Variants in DCLRE1C observed in about 807,000 individuals in gnomAD.
DCLRE1C encodes protein artemis.
DCLRE1C carries 47 observed loss-of-function variants against 61.4 expected under a neutral mutation model. That is an observed-to-expected ratio of 0.77 (90% CI 0.61 to 0.98). The LOEUF (loss-of-function observed/expected upper bound fraction) is 0.98. Ranked by LOEUF, DCLRE1C falls within the 50% of genes least tolerant of loss-of-function variation. The pLI is 0.00. For synonymous variants in DCLRE1C, 337 were observed against 287.6 expected (o/e 1.17, Z -1.74); for missense variants, 858 against 816.0 (o/e 1.05, Z -0.63).
chr10:14,926,765 G>T, intron 11 of DCLRE1C, 78 bp downstream of exon 11: 1 of 1,144,760 alleles, frequency 8.7e-7, no homozygotes, highest in Non-Finnish European at 1.3e-6. Context: ...GCTTCTGAGA[G>T]TCAGGGGACT....
intron 12 of DCLRE1C, among the ~76,000 whole-genome samples, chr10:14,920,921 T>TGCAGTGA (rs1446158785): frequency 2.6e-5 from 4 of 151,850 alleles, no homozygotes; most frequent in African/African-American, 9.7e-5. Flanking sequence ...AGGTGGAGTT[T>TGCAGTGA]GCAGTGAGCC....
At position 14,908,483 on chromosome 10, in the gene DCLRE1C, T is replaced by C. The variant is rs150063030; in HGVS notation, c.2004A>G (p.Gln668=). 1.7e-5 allele frequency: 27 copies of C among 1,613,930 alleles called. No homozygotes were observed. The Middle Eastern group carries it at 6.6e-4, about 39-fold the overall frequency. Residue 668 remains glutamine, a synonymous_variant, in exon 14 of 14, where the codon CAA becomes CAG. Coordinates refer to ENST00000378278, the MANE Select transcript of DCLRE1C (RefSeq NM_001033855.3). The stretch of plus-strand genomic sequence containing the variant: ...CAGTTGCCAGCTTCTCATATAAATA[T>C]TGTAAATGCTCTCGTTTAGGTAACT... ...EAELPKREHL[Q]YLYEKLATGE...
In DCLRE1C at chr10:14,908,554, A is replaced by AATCT. The variant is rs1163196560; in HGVS notation, c.1929_1932dup (p.Ser645ArgfsTer7). ...ACTTCAAAATCAGAAGAGCTCTGGG[A>AATCT]ATCTGCATTTGTGCTAAGATTTAGC... On this transcript the variant is annotated frameshift_variant, in exon 14 of 14. Transcript: ENST00000378278. LOFTEE classifies it high-confidence loss of function. 2.5e-6 allele frequency: 4 copies of AATCT among 1,614,102 alleles called. No homozygotes were observed. In the East Asian group the frequency reaches 8.9e-5, roughly 36 times the overall value.
chr10:14,944,139 A>G (rs545097014), intron 3 of DCLRE1C, among the ~76,000 whole-genome samples: 110 of 152,228 alleles, frequency 7.2e-4, no homozygotes, highest in African/African-American at 2.5e-3. Flanking sequence ...AAATAAAAGG[A>G]TTTAGCAATT....
At chr10:14,943,326 C>T (rs1431832409) in intron 3 of DCLRE1C, among the ~76,000 whole-genome samples, 2 of 152,040 alleles carry the variant, frequency 1.3e-5, no homozygotes, top group Middle Eastern at 3.2e-3. Flanking sequence ...ATTGCACATA[C>T]GTCCATATGA....
chr10:14,897,767 A>T (rs1376146788), exon 14 of DCLRE1C: 2 of 268,244 alleles, frequency 7.5e-6, no homozygotes, highest in Non-Finnish European at 1.4e-5. Flanking sequence ...CATTCCTACT[A>T]GTCAAACCTA....
At chr10:14,928,929 C>T (rs1838501536) in intron 9 of DCLRE1C, among the ~76,000 whole-genome samples, 1 of 151,926 alleles carries the variant, frequency 6.6e-6, no homozygotes, top group Non-Finnish European at 1.5e-5. Context: ...ATTATAGGCA[C>T]ACACCACCAC....
rs759716780 is a variant in DCLRE1C at position 14,945,126 on chromosome 10, G to A, written c.225C>T (p.Tyr75=). 6 of 1,612,288 alleles carry A rather than the reference G, an allele frequency of 3.7e-6. No homozygotes were observed. The highest frequency in any genetic ancestry group is 5.1e-6 in the Non-Finnish European group (6 of 1,179,218). Residue 75 remains tyrosine, a synonymous_variant, in exon 3 of 14, where the codon TAC becomes TAT. Transcript: ENST00000378278. The part of the protein sequence containing the change: ...TKELLLTSPK[Y]RFWKKRIISI... ...TTACAATTCGTTTCTTCCAAAATCT[G>A]TATTTCGGGCTCGTTAACAACAACT...
chr10:14,944,890 G>GTC (rs1841441498), intron 3 of DCLRE1C, among the ~76,000 whole-genome samples: 8 of 151,734 alleles, frequency 5.3e-5, no homozygotes, highest in African/African-American at 1.9e-4. Context: ...GGCCAGGCTG[G>GTC]TCATGAACTC....
chr10:14,910,680 A>G (rs138133314), intron 13 of DCLRE1C, among the ~76,000 whole-genome samples: 26 of 152,302 alleles, frequency 1.7e-4, no homozygotes, highest in African/African-American at 6.3e-4. Flanking sequence ...CCTGATCCCA[A>G]AAGACATTTA....
chr10:14,933,848 G>A (rs370908314), intron 8 of DCLRE1C, among the ~76,000 whole-genome samples: 8 of 152,258 alleles, frequency 5.3e-5, no homozygotes, highest in African/African-American at 1.7e-4. Flanking sequence ...AAGCCATTTT[G>A]GCTTCTGTCA....
Position 14,921,188 on chromosome 10 carries a change from C to T in DCLRE1C, c.1062-1356G>A, listed in dbSNP as rs1322792777. Among the ~76,000 whole-genome samples the T allele has an allele frequency of 4.0e-5, 6 of 151,534 alleles. No individual in the cohort carries two copies. In the South Asian group the frequency reaches 6.3e-4, roughly 16 times the overall value. ...ACAAAAAATTAGCCGGGCGTGGTCG[C>T]GGGCGCCTGTAGTCCCAGCTACTCG... On this transcript the variant is annotated intron_variant, in intron 12 of 13. Coordinates refer to ENST00000378278, the MANE Select transcript of DCLRE1C (RefSeq NM_001033855.3).
chr10:14,899,611 C>T (rs148667087), intron 13 of DCLRE1C: 995 of 1,613,994 alleles, frequency 6.2e-4, no homozygotes, highest in Non-Finnish European at 8.3e-4. Context: ...TCTCTTTGAT[C>T]TGGACTATGA....
downstream of DCLRE1C, among the ~76,000 whole-genome samples, chr10:14,900,941 A>G (rs1833966407): frequency 1.3e-5 from 2 of 152,178 alleles, no homozygotes; most frequent in South Asian, 2.1e-4. Flanking sequence ...TCTATTTTAT[A>G]CTTGTCTGAA....
intron 13 of DCLRE1C, among the ~76,000 whole-genome samples, chr10:14,916,712 A>C (rs1310250355): frequency 6.6e-6 from 1 of 152,236 alleles, no homozygotes; most frequent in Non-Finnish European, 1.5e-5. Flanking sequence ...TGATTTACAC[A>C]GACTTATACG....
Position 14,907,604 on chromosome 10 carries a change from GATT to G in DCLRE1C, c.*801_*803del, listed in dbSNP as rs1165326060. 3.3e-5 allele frequency among the ~76,000 whole-genome samples: 5 copies of G among 152,018 alleles called. No individual in the cohort carries two copies. Among genetic ancestry groups the G allele is most frequent in the Admixed American group, 6.6e-5 (1 of 15,242 alleles). On this transcript the variant is annotated 3_prime_UTR_variant, in exon 14 of 14. Coordinates refer to ENST00000378278, the MANE Select transcript of DCLRE1C (RefSeq NM_001033855.3). ...AGCTGTTAGGTGCATATACGTTTAG[GATT>G]ATTTTGTCTTCTTGGTGAACTAGAC...
downstream of DCLRE1C, chr10:14,903,209 C>G (rs951093068): frequency 1.3e-5 from 2 of 152,268 alleles, no homozygotes; most frequent in African/African-American, 4.8e-5. Context: ...AGAGCTCTCT[C>G]TAGAAGTCCA....
chr10:14,898,200 TTC>T lies in DCLRE1C; in HGVS notation c.*962_*963del, dbSNP rs1833729393. 3 of 145,846 alleles carry T rather than the reference TTC, an allele frequency of 2.1e-5. No homozygotes were observed. In the Admixed American group the frequency reaches 2.2e-4, roughly 11 times the overall value. The allele number at this position is 145,846 out of a possible 1,614,324, so 9.0% of individuals were successfully genotyped here. A position where few individuals can be genotyped will look rare whatever the true frequency, so the allele number is the denominator to read the frequency against. On this transcript the variant is annotated 3_prime_UTR_variant, in exon 14 of 14. Transcript: ENST00000378289. ...CCAAAACTCAGTGAGGTAGTACTGTTTCTTTTTTTTTTTTTTTTTTTTTTTTT... is the reference window on the plus strand; with the variant it reads ...CCAAAACTCAGTGAGGTAGTACTGTTTTTTTTTTTTTTTTTTTTTTTTTTT...
In DCLRE1C at chr10:14,905,502, G is replaced by A. The variant is rs925497428; in HGVS notation, c.*2906C>T. On this transcript the variant is annotated 3_prime_UTR_variant, in exon 14 of 14. Coordinates refer to ENST00000378278, the MANE Select transcript of DCLRE1C (RefSeq NM_001033855.3). ...AGGTTGGTGTAAGGTAACAAGCTTA[G>A]ACTGTTAAGATAATGTCAACATGCC... Among the ~76,000 whole-genome samples, 2 of 152,216 alleles carry A rather than the reference G, an allele frequency of 1.3e-5. No individual in the cohort carries two copies. Among genetic ancestry groups the A allele is most frequent in the African/African-American group, 4.8e-5 (2 of 41,462 alleles).
Sources: gnomAD v4.1 joint callset for allele counts (sites outside exome capture counted in the v4.1 genomes callset) on GRCh38, gnomAD v4.1.1 for gene constraint, MANE v1.5 for transcripts, NCBI Gene and HGNC (gene_info 2026-07-23, HGNC 2026-07-21) for gene names.